CCDC134: variants seen among roughly 807,000 people sequenced by gnomAD.
CCDC134 encodes coiled-coil domain containing 134, also known as coiled-coil domain-containing protein 134.
A neutral mutation model predicts 25.6 loss-of-function variants in CCDC134; 27 were observed. The ratio of observed to expected loss-of-function variants is 1.05; its 90% confidence interval spans 0.78 to 1.45. CCDC134 has a LOEUF of 1.45. Among genes scored for constraint, CCDC134 ranks in the 40% most tolerant of loss-of-function variants. The pLI, the probability that CCDC134 is intolerant of heterozygous loss-of-function variation, is 0.00. For missense variants in CCDC134, 261 were observed against 286.7 expected, an observed-to-expected ratio of 0.91 and a Z score of 0.65; for synonymous variants, 110 against 115.0, an observed-to-expected ratio of 0.96 and a Z score of 0.28.
At chr22:41,824,554 G>A (rs1473165506) in intron 6 of CCDC134, among the ~76,000 whole-genome samples, 2 of 152,174 alleles carry the variant, frequency 1.3e-5, no homozygotes. Context: ...TGAAGTCAAG[G>A]TTTGAGACTA....
At chr22:41,819,542 G>T (rs2076638579) in intron 6 of CCDC134, among the ~76,000 whole-genome samples, 1 of 152,188 alleles carries the variant, frequency 6.6e-6, no homozygotes, top group Non-Finnish European at 1.5e-5. Flanking sequence ...GCCCCTTGGG[G>T]AAGCAGGCTA....
chr22:41,810,797 A>G (rs918041547), intron 4 of CCDC134, among the ~76,000 whole-genome samples: 10 of 152,180 alleles, frequency 6.6e-5, no homozygotes, highest in Admixed American at 2.6e-4. Flanking sequence ...CCCGGCCACA[A>G]TAGCATTTCT....
intron 4 of CCDC134, among the ~76,000 whole-genome samples, 198 bp downstream of exon 4, chr22:41,810,489 CTTTTTTTTTTT>C (rs960666358): frequency 1.2e-5 from 1 of 86,634 alleles, no homozygotes; most frequent in Non-Finnish European, 2.1e-5. Context: ...AATAGCATTT[CTTTTTTTTTTT>C]TTTTTTTTTT....
At chr22:41,817,960 T>G (rs888857655) in intron 6 of CCDC134, among the ~76,000 whole-genome samples, 12 of 152,158 alleles carry the variant, frequency 7.9e-5, no homozygotes, top group African/African-American at 2.9e-4. Context: ...GCATTGTTAC[T>G]GGGGCTGGCT....
At chr22:41,805,525 A>G (rs2076563783) in intron 1 of CCDC134, among the ~76,000 whole-genome samples, 1 of 152,258 alleles carries the variant, frequency 6.6e-6, no homozygotes, top group Admixed American at 6.5e-5. Flanking sequence ...CTCTCTTTAC[A>G]AAAGTATTTC....
At chr22:41,815,660 TA>T (rs538363023) in intron 6 of CCDC134, among the ~76,000 whole-genome samples, 1 of 152,132 alleles carries the variant, frequency 6.6e-6, no homozygotes, top group African/African-American at 2.4e-5. Flanking sequence ...ACATTATTAT[TA>T]TTTTTTTTAT....
rs758981939 is a variant in CCDC134 at position 41,813,740 on chromosome 22, T to G, written c.493-11T>G. On this transcript the variant is annotated splice_polypyrimidine_tract_variant and intron_variant, in intron 5 of 6. Transcript: ENST00000255784. ...GAAGGCAGATGATGACTAGTGTTTC[T>G]TCATCTGCAGATGGCCCAGGAGCTG... 2.5e-6 allele frequency: 4 copies of G among 1,611,402 alleles called. No individual in the cohort carries two copies. In the South Asian group the frequency reaches 4.4e-5, roughly 18 times the overall value.
At chr22:41,819,115 T>G (rs189582801) in intron 6 of CCDC134, among the ~76,000 whole-genome samples, 161 of 152,014 alleles carry the variant, frequency 1.1e-3, no homozygotes, top group African/African-American at 3.6e-3. Context: ...CGTGGACTTG[T>G]CTCTCGCAGG....
In CCDC134 at chr22:41,813,293, T is replaced by G; in HGVS notation, c.340T>G (p.Phe114Val). 1 of 1,614,184 alleles carries G rather than the reference T, an allele frequency of 6.2e-7. No individual in the cohort carries two copies. The highest frequency in any genetic ancestry group is 8.5e-7 in the Non-Finnish European group (1 of 1,180,008). The change falls in exon 5 of 7, where the codon TTC becomes GTC. Residue 114 changes from phenylalanine (F) to valine (V), a missense_variant. Phe to Val is a conservative substitution (Grantham distance 50, BLOSUM62 -1). Transcript: ENST00000255784. The stretch of plus-strand genomic sequence containing the variant: ...CTCCCACGTGGTGGAGAACACGGCC[T>G]TCTTCGGCGATGTGGTGCTGCGCTT... ...AFSHVVENTAFFGDVVLRFPR... is the reference protein window; with the variant it reads ...AFSHVVENTAVFGDVVLRFPR...
intron 6 of CCDC134, among the ~76,000 whole-genome samples, chr22:41,823,546 C>G (rs182942769): frequency 3.1e-4 from 47 of 152,210 alleles, no homozygotes; most frequent in Non-Finnish European, 4.4e-5. Context: ...AAATAAAAAC[C>G]AAAACACTCT....
chr22:41,821,235 A>C (rs950679155), intron 6 of CCDC134, among the ~76,000 whole-genome samples: 1 of 152,100 alleles, frequency 6.6e-6, no homozygotes, highest in Non-Finnish European at 1.5e-5. Context: ...CCTGGGAACA[A>C]AAGATTGGAT....
In CCDC134 at chr22:41,829,179, C is replaced by A. The variant is rs574973575; in HGVS notation, c.*3356C>A. Among the ~76,000 whole-genome samples the A allele has an allele frequency of 3.4e-4, 52 of 152,298 alleles. No homozygotes were observed. Among genetic ancestry groups the A allele is most frequent in the South Asian group, 1.2e-3 (6 of 4,822 alleles). On this transcript the variant is annotated 3_prime_UTR_variant, in exon 7 of 7. Transcript: ENST00000255784. ...AGGGAAAACCTCTCTGGTCCACAGC[C>A]CTTCTCCTTATTCCAGTCCCACATC...
chr22:41,823,336 T>C (rs1484779129), intron 6 of CCDC134, among the ~76,000 whole-genome samples: 1 of 151,362 alleles, frequency 6.6e-6, no homozygotes, highest in Non-Finnish European at 1.5e-5. Context: ...GTGATTCTCC[T>C]GTCTCAGCCT....
intron 1 of CCDC134, among the ~76,000 whole-genome samples, 161 bp downstream of exon 1, chr22:41,800,927 T>G (rs2148299580): frequency 6.6e-6 from 1 of 152,192 alleles, no homozygotes; most frequent in Non-Finnish European, 1.5e-5. Context: ...CTCCGAAGGC[T>G]CGGGGTCAAC....
At chr22:41,817,809 T>C (rs1310582253) in intron 6 of CCDC134, among the ~76,000 whole-genome samples, 1 of 152,138 alleles carries the variant, frequency 6.6e-6, no homozygotes, top group African/African-American at 2.4e-5. Context: ...CAGTTTGTAA[T>C]CTCCAGATGA....
In CCDC134 at chr22:41,810,171, C is replaced by T. The variant is rs766175068; in HGVS notation, c.226-36C>T. Reference sequence around the variant, plus strand: ...GGATGGGAGCAGTCTGTGATGGGCACTGCGAAGCCACTCAGCCCTGGCGGG... The same window carrying T: ...GGATGGGAGCAGTCTGTGATGGGCATTGCGAAGCCACTCAGCCCTGGCGGG... On this transcript the variant is annotated intron_variant, in intron 3 of 6. Transcript: ENST00000255784. 5.0e-6 allele frequency: 8 copies of T among 1,608,670 alleles called. No homozygotes were observed. In the East Asian group the frequency reaches 1.6e-4, roughly 31 times the overall value.
intron 6 of CCDC134, 152 bp downstream of exon 6, chr22:41,813,974 C>A: frequency 1.5e-6 from 1 of 650,294 alleles, no homozygotes; most frequent in Non-Finnish European, 2.7e-6. Context: ...CTCATTGGAG[C>A]CTGTGGGCAA....
chr22:41,802,680 C>G (rs764245594), intron 1 of CCDC134, among the ~76,000 whole-genome samples: 8 of 151,848 alleles, frequency 5.3e-5, no homozygotes, highest in Admixed American at 6.6e-5. Flanking sequence ...TTTGGGAGGC[C>G]GAGGCAGGCG....
In CCDC134 at chr22:41,830,216, C is replaced by T. The variant is rs1281503570; in HGVS notation, c.*4393C>T. On this transcript the variant is annotated 3_prime_UTR_variant, in exon 7 of 7. Coordinates refer to ENST00000255784, the MANE Select transcript of CCDC134 (RefSeq NM_024821.5). ...ATGTTCAGTTACATGGGATCCAGGG[C>T]CAGAGGGAAAATATCAGTGCTTCCT... Among the ~76,000 whole-genome samples the T allele has an allele frequency of 6.6e-6, 1 of 152,186 alleles. No homozygotes were observed. The highest frequency in any genetic ancestry group is 2.4e-5 in the African/African-American group (1 of 41,444).
Sources: allele counts gnomAD v4.1 joint callset (sites outside exome capture counted in the v4.1 genomes callset), GRCh38; gene constraint gnomAD v4.1.1; transcripts MANE v1.5; gene names NCBI Gene and HGNC (gene_info 2026-07-23, HGNC 2026-07-21).